The following FAAH2 variants were observed in gnomAD, a reference collection of about 807,000 sequenced individuals.
The protein encoded by FAAH2 is fatty acid amide hydrolase 2.
FAAH2 carries 60 observed loss-of-function variants against 36.9 expected under a neutral mutation model. That is an observed-to-expected ratio of 1.63 (90% CI 1.32 to 2.02). FAAH2 has a LOEUF of 2.02. Among genes scored for constraint, FAAH2 ranks in the 30% most tolerant of loss-of-function variants. The probability of loss-of-function intolerance (pLI) is 0.00; values close to 1 mark genes in which losing one functional copy is unlikely to be tolerated. For missense variants in FAAH2, 689 were observed against 397.5 expected (o/e 1.73, Z -6.23); for synonymous variants, 214 against 143.8 (o/e 1.49, Z -3.49).
At chrX:57,429,740 C>G (rs1222358284) in intron 7 of FAAH2, among the ~76,000 whole-genome samples, 2 of 111,397 alleles carry the variant, frequency 1.8e-5, no homozygotes, top group Non-Finnish European at 3.8e-5. Context: ...GTGTTTATAC[C>G]AGCATTATTC....
the FAAH2 span, among the ~76,000 whole-genome samples, chrX:57,198,573 A>G: frequency 8.9e-6 from 1 of 112,446 alleles, no homozygotes. Context: ...TCATATCTGT[A>G]CTTCTCATTC....
chrX:57,269,230 T>C, the FAAH2 span, among the ~76,000 whole-genome samples: 1 of 111,264 alleles, frequency 9.0e-6, no homozygotes, highest in East Asian at 2.8e-4. Context: ...TAAGGCAAGT[T>C]CATAGAGACC....
chrX:57,480,867 G>A (rs1042481922), intron 10 of FAAH2, among the ~76,000 whole-genome samples: 2 of 110,588 alleles, frequency 1.8e-5, no homozygotes, highest in Non-Finnish European at 3.8e-5. Context: ...TCACCCTCAG[G>A]GACCCCAGTC....
chrX:57,402,346 A>G (rs2055458832), intron 7 of FAAH2, among the ~76,000 whole-genome samples: 1 of 111,951 alleles, frequency 8.9e-6, no homozygotes, highest in South Asian at 3.8e-4. Context: ...TAGGCACTCA[A>G]TTTGCCCAGC....
At chrX:57,484,545 G>C (rs1232683904) in intron 10 of FAAH2, among the ~76,000 whole-genome samples, 1 of 112,035 alleles carries the variant, frequency 8.9e-6, no homozygotes, top group African/African-American at 3.2e-5. Flanking sequence ...GTGTCTGAGA[G>C]CCAGGGAGAA....
At chrX:57,295,480 G>T (rs1452158791) in intron 2 of FAAH2, among the ~76,000 whole-genome samples, 1 of 111,968 alleles carries the variant, frequency 8.9e-6, no homozygotes, top group Non-Finnish European at 1.9e-5. Context: ...AGGGGGTGGA[G>T]CCAAGATGGC....
At chrX:57,152,857 T>C in the FAAH2 span, among the ~76,000 whole-genome samples, 1 of 111,351 alleles carries the variant, frequency 9.0e-6, no homozygotes, top group Non-Finnish European at 1.9e-5. Context: ...GTCTTCTGCA[T>C]TGCTCACACT....
intron 3 of FAAH2, among the ~76,000 whole-genome samples, chrX:57,325,747 G>C (rs1434036069): frequency 3.3e-5 from 2 of 61,515 alleles, no homozygotes; most frequent in Non-Finnish European, 5.9e-5. Context: ...TATTAGTCTG[G>C]CTAGTGGTCT....
chrX:57,456,487 C>A (rs765239733), intron 10 of FAAH2, among the ~76,000 whole-genome samples: 2 of 111,675 alleles, frequency 1.8e-5, no homozygotes, highest in South Asian at 7.4e-4. Context: ...TACAAAACAT[C>A]AATGAAAACA....
the FAAH2 span, among the ~76,000 whole-genome samples, chrX:57,239,129 G>C: frequency 9.0e-6 from 1 of 111,432 alleles, no homozygotes; most frequent in African/African-American, 3.3e-5. Flanking sequence ...TGCAAATAGT[G>C]CTCTATTTTT....
At chrX:57,396,865 G>T (rs1461467047) in intron 7 of FAAH2, among the ~76,000 whole-genome samples, 1 of 111,508 alleles carries the variant, frequency 9.0e-6, no homozygotes, top group Admixed American at 9.5e-5. Context: ...TTTGGTCTGG[G>T]TCCAATTTAA....
At chrX:57,457,083 T>A (rs936324564) in intron 10 of FAAH2, among the ~76,000 whole-genome samples, 1 of 111,586 alleles carries the variant, frequency 9.0e-6, no homozygotes, top group Non-Finnish European at 1.9e-5. Context: ...CACCAGCATA[T>A]CAAAAAGTTA....
At chrX:57,178,336 C>G in the FAAH2 span, among the ~76,000 whole-genome samples, 2 of 112,006 alleles carry the variant, frequency 1.8e-5, no homozygotes, top group African/African-American at 6.5e-5. Flanking sequence ...TTTTCCTAAA[C>G]ACTGTGTTAT....
At chrX:57,147,318 C>T in the FAAH2 span, among the ~76,000 whole-genome samples, 1 of 111,383 alleles carries the variant, frequency 9.0e-6, no homozygotes, top group Non-Finnish European at 1.9e-5. Flanking sequence ...GGCATTTATT[C>T]ATCTCCTCTA....
the FAAH2 span, among the ~76,000 whole-genome samples, chrX:57,217,963 G>A: frequency 9.0e-6 from 1 of 111,582 alleles, no homozygotes; most frequent in Non-Finnish European, 1.9e-5. Context: ...TCTTTCAGCA[G>A]TGTTTTATAG....
At chrX:57,363,407 G>C (rs1327282004) in intron 5 of FAAH2, among the ~76,000 whole-genome samples, 1 of 111,514 alleles carries the variant, frequency 9.0e-6, no homozygotes, top group Admixed American at 9.5e-5. Context: ...ACTGATTTTT[G>C]TGCATTGATT....
the FAAH2 span, among the ~76,000 whole-genome samples, chrX:57,226,066 G>T: frequency 4.5e-5 from 5 of 111,952 alleles, no homozygotes; most frequent in Non-Finnish European, 9.4e-5. Context: ...GACAGTAGAC[G>T]GTTGGTTAAT....
rs541678466 is a variant in FAAH2 at position 57,465,564 on chromosome X, C to A, written c.1423+16846C>A. Among the ~76,000 whole-genome samples the A allele has an allele frequency of 1.1e-4, 12 of 111,197 alleles. No individual in the cohort carries two copies. In the South Asian group the frequency reaches 3.7e-3, roughly 34 times the overall value. On this transcript the variant is annotated intron_variant, in intron 10 of 10. Transcript: ENST00000374900. ...TTTAAAATAATAAAAGACAGCCAAC[C>A]AATACTCTTATAATTCACAGAATCT... is the stretch of plus-strand genomic sequence containing the variant.
At chrX:57,232,207 T>A in the FAAH2 span, among the ~76,000 whole-genome samples, 1 of 111,875 alleles carries the variant, frequency 8.9e-6, no homozygotes, top group Non-Finnish European at 1.9e-5. Flanking sequence ...GGCATGACAA[T>A]TCCATTTGGA....
Sources: gnomAD v4.1 joint callset for allele counts (sites outside exome capture counted in the v4.1 genomes callset) on GRCh38, gnomAD v4.1.1 for gene constraint, MANE v1.5 for transcripts, NCBI Gene and HGNC (gene_info 2026-07-23, HGNC 2026-07-21) for gene names.